ZNF559: variants seen among roughly 807,000 people sequenced by gnomAD.
ZNF559 encodes the protein zinc finger protein 559.
Under a neutral mutation model 14.2 loss-of-function variants are expected in ZNF559, and 17 were observed. The observed-to-expected ratio is 1.20, with a 90% confidence interval of 0.82 to 1.80. ZNF559 has a LOEUF of 1.80. Ranked by LOEUF, ZNF559 falls within the 40% of genes most tolerant of loss-of-function variation. The probability of loss-of-function intolerance (pLI) is 0.00; values close to 1 mark genes in which losing one functional copy is unlikely to be tolerated. For missense variants in ZNF559, 740 were observed against 629.7 expected (o/e 1.18, Z -1.88); for synonymous variants, 244 against 212.4 (o/e 1.15, Z -1.29).
At position 9,342,409 on chromosome 19, in the gene ZNF559, A is replaced by G. The variant is rs747041038; in HGVS notation, c.958A>G (p.Thr320Ala). 3.7e-6 allele frequency: 6 copies of G among 1,614,028 alleles called. No homozygotes were observed. In the East Asian group the frequency reaches 6.7e-5, roughly 18 times the overall value. Residue 320 changes from threonine to alanine, a missense_variant, in exon 7 of 7, where the codon ACT becomes GCT. Transcript: ENST00000603380. ...ACTCAACATTCACATAAGGGTTCACACTGGAGAAAAACCGTATGAGTGCAA... is the reference window on the plus strand; with the variant it reads ...ACTCAACATTCACATAAGGGTTCACGCTGGAGAAAAACCGTATGAGTGCAA... ...SKLNIHIRVHTGEKPYECNKC... is the reference protein window; with the variant it reads ...SKLNIHIRVHAGEKPYECNKC...
At position 9,343,346 on chromosome 19, in the gene ZNF559, G is replaced by A; in HGVS notation, c.*278G>A. On this transcript the variant is annotated 3_prime_UTR_variant, in exon 7 of 7. Transcript: ENST00000603380. ...AACCTGTCGATGCTTACATCTTACTGAGTCTGTTTGAACTCATGCTGGAGA... is the reference window on the plus strand; with the variant it reads ...AACCTGTCGATGCTTACATCTTACTAAGTCTGTTTGAACTCATGCTGGAGA... 1 of 1,195,268 alleles carries A rather than the reference G, an allele frequency of 8.4e-7. No homozygotes were observed. The highest frequency in any genetic ancestry group is 2.3e-5 in the South Asian group (1 of 43,432). The allele number at this position is 1,195,268 out of a possible 1,614,324, so 74.0% of individuals were successfully genotyped here.
chr19:9,339,893 C>T (rs541475159), intron 5 of ZNF559, among the ~76,000 whole-genome samples: 129 of 150,626 alleles, frequency 8.6e-4, no homozygotes, highest in African/African-American at 2.8e-3. Context: ...CTCAGCCTCC[C>T]GAGTAGCTGG....
Position 9,341,876 on chromosome 19 carries a change from T to C in ZNF559, c.425T>C (p.Ile142Thr), listed in dbSNP as rs747695054. 4 of 1,610,602 alleles carry C rather than the reference T, an allele frequency of 2.5e-6. No homozygotes were observed. Among genetic ancestry groups the C allele is most frequent in the Non-Finnish European group, 3.4e-6 (4 of 1,179,118 alleles). Residue 142 changes from isoleucine to threonine, a missense_variant, in exon 7 of 7, where the codon ATC becomes ACC. Transcript: ENST00000603380. ...TTTACTTTACACAAGAAAACTGATA[T>C]CGGAGAGGAACTTCCTAACTGTAAT... ...SIFTLHKKTD[I>T]GEELPNCNQC... is the part of the protein sequence containing the mutation.
At chr19:9,332,680 A>G (rs770246241) in intron 2 of ZNF559, among the ~76,000 whole-genome samples, 2 of 152,198 alleles carry the variant, frequency 1.3e-5, no homozygotes, top group Non-Finnish European at 1.5e-5. Context: ...AATGTGGTCA[A>G]TCAGTCCACA....
chr19:9,324,558 A>T, intron 1 of ZNF559, 137 bp from the exon 2 acceptor site: 1 of 1,160,140 alleles, frequency 8.6e-7, no homozygotes, highest in Non-Finnish European at 1.2e-6. Flanking sequence ...CTTTGGGCGG[A>T]TTGGGTAGGA....
chr19:9,324,038 C>T (rs115157305), upstream of ZNF559: 14 of 956,704 alleles, frequency 1.5e-5, no homozygotes, highest in African/African-American at 8.2e-5. Flanking sequence ...GTGACACTTG[C>T]GCTCTTCGGG....
chr19:9,338,438 T>G, intron 3 of ZNF559, 56 bp from the exon 4 acceptor site: 79 of 1,353,990 alleles, frequency 5.8e-5, no homozygotes, highest in Middle Eastern at 2.3e-4. Context: ...TCTTGCCTTG[T>G]GAGTATGGAA....
chr19:9,326,832 G>A (rs1211966242), intron 2 of ZNF559, among the ~76,000 whole-genome samples: 2 of 152,122 alleles, frequency 1.3e-5, no homozygotes, highest in Non-Finnish European at 2.9e-5. Context: ...TGTATTTAGA[G>A]TTTATAAAAT....
intron 2 of ZNF559, among the ~76,000 whole-genome samples, chr19:9,328,356 T>C: frequency 6.9e-6 from 1 of 144,976 alleles, no homozygotes; most frequent in South Asian, 2.2e-4. Flanking sequence ...GTCTTTTTTT[T>C]TTTTTTTTTT....
intron 1 of ZNF559, 107 bp downstream of exon 1, chr19:9,324,335 A>C (rs2066443131): frequency 6.6e-7 from 1 of 1,523,076 alleles, no homozygotes. Context: ...TGTCCCGTGC[A>C]CTTTCGGGCA....
At chr19:9,341,383 AT>A (rs1392917960) in intron 6 of ZNF559, 199 bp downstream of exon 6, 1 of 759,708 alleles carries the variant, frequency 1.3e-6, no homozygotes, top group Non-Finnish European at 2.3e-6. Flanking sequence ...ATTTGTTTAC[AT>A]ATTTCCTTCA....
chr19:9,339,692 A>C (rs1420502326), intron 5 of ZNF559, among the ~76,000 whole-genome samples: 1 of 151,738 alleles, frequency 6.6e-6, no homozygotes, highest in African/African-American at 2.4e-5. Context: ...TATATCTGAG[A>C]GGGTTCAGAA....
intron 5 of ZNF559, among the ~76,000 whole-genome samples, chr19:9,340,880 G>A (rs180945038): frequency 5.9e-5 from 9 of 151,848 alleles, no homozygotes; most frequent in South Asian, 2.1e-4. Flanking sequence ...CTAGAGAACC[G>A]TTTCTTAGTG....
At chr19:9,333,514 C>T (rs150748848) in intron 2 of ZNF559, among the ~76,000 whole-genome samples, 8,054 of 152,188 alleles carry the variant, frequency 0.053, 291 homozygotes, top group Middle Eastern at 0.1. Flanking sequence ...CATAGCAAGA[C>T]CCCATCTCTA....
chr19:9,324,066 C>G (rs918605587), upstream of ZNF559: 7 of 1,281,670 alleles, frequency 5.5e-6, no homozygotes, highest in Non-Finnish European at 7.6e-6. Context: ...ACAGCATTTC[C>G]TCTCAGCTCT....
At chr19:9,324,460 G>A in intron 1 of ZNF559, 3 of 1,427,410 alleles carry the variant, frequency 2.1e-6, no homozygotes, top group Non-Finnish European at 2.7e-6. Context: ...GGAGGAGGCG[G>A]GGGGCACGGC....
intron 2 of ZNF559, among the ~76,000 whole-genome samples, chr19:9,337,033 T>C (rs2067276538): frequency 6.6e-6 from 1 of 152,206 alleles, no homozygotes; most frequent in South Asian, 2.1e-4. Flanking sequence ...TTCTCTCCCA[T>C]GTAGTCACAT....
At chr19:9,334,901 G>C (rs1482637921) in intron 2 of ZNF559, among the ~76,000 whole-genome samples, 1 of 152,114 alleles carries the variant, frequency 6.6e-6, no homozygotes, top group Non-Finnish European at 1.5e-5. Flanking sequence ...TTGGGAGGCT[G>C]AGGCCGGCGG....
Position 9,341,139 on chromosome 19 carries a change from T to TC in ZNF559, c.199dup (p.Gln67ProfsTer26), listed in dbSNP as rs777642611. ...ATATTAATACCAAATGGTCAGCACC[T>TC]CAGCAGAATTTTTTGCAGGGGAAAA... On this transcript the variant is annotated frameshift_variant, in exon 6 of 7. Transcript: ENST00000603380. LOFTEE classifies it low-confidence loss of function (END_TRUNC). The TC allele has an allele frequency of 6.2e-7, 1 of 1,613,804 alleles. No homozygotes were observed. The highest frequency in any genetic ancestry group is 2.2e-5 in the East Asian group (1 of 44,872).
Sources: gnomAD v4.1 joint callset for allele counts (sites outside exome capture counted in the v4.1 genomes callset) on GRCh38, gnomAD v4.1.1 for gene constraint, MANE v1.5 for transcripts, NCBI Gene and HGNC (gene_info 2026-07-23, HGNC 2026-07-21) for gene names.